Variants in CAPN2 observed in about 807,000 individuals in gnomAD.
The protein encoded by CAPN2 is calpain-2 catalytic subunit.
Under a neutral mutation model 102.3 loss-of-function variants are expected in CAPN2, and 92 were observed. That is an observed-to-expected ratio of 0.90 (90% CI 0.76 to 1.07). The LOEUF (loss-of-function observed/expected upper bound fraction) is 1.07, where lower values mean the gene tolerates loss of function less well. Ranked by LOEUF, CAPN2 falls within the 50% of genes least tolerant of loss-of-function variation. The pLI is 0.00. For synonymous variants in CAPN2, 340 were observed against 355.4 expected, an observed-to-expected ratio of 0.96 and a Z score of 0.49; for missense variants, 800 against 909.4, an observed-to-expected ratio of 0.88 and a Z score of 1.55.
chr1:223,740,316 A>G lies in CAPN2; in HGVS notation c.308-3784A>G, dbSNP rs1660580789. 3.3e-5 allele frequency among the ~76,000 whole-genome samples: 5 copies of G among 152,208 alleles called. No individual in the cohort carries two copies. In the South Asian group the frequency reaches 1.0e-3, roughly 32 times the overall value. ...TAAATTTAATTTACTCAGCAAGGACATTTTTATACTTTCTGTGAAAGGGTA... is the reference window on the plus strand; with the variant it reads ...TAAATTTAATTTACTCAGCAAGGACGTTTTTATACTTTCTGTGAAAGGGTA... On this transcript the variant is annotated intron_variant, in intron 2 of 20. Coordinates refer to ENST00000295006, the MANE Select transcript of CAPN2 (RefSeq NM_001748.5).
intron 2 of CAPN2, among the ~76,000 whole-genome samples, chr1:223,723,865 C>G (rs540301324): frequency 6.6e-6 from 1 of 151,382 alleles, no homozygotes; most frequent in South Asian, 2.1e-4. Flanking sequence ...CAAGAATCCC[C>G]CATTTCCCAT....
At chr1:223,766,244 A>G in intron 15 of CAPN2, 123 bp from the exon 16 acceptor site, 1 of 709,366 alleles carries the variant, frequency 1.4e-6, no homozygotes, top group South Asian at 1.7e-5. Context: ...TGGCTATTTA[A>G]TATAATGGAA....
At chr1:223,750,793 A>T (rs1571806445) in intron 6 of CAPN2, 97 bp from the exon 7 acceptor site, 1 of 1,123,150 alleles carries the variant, frequency 8.9e-7, no homozygotes, top group African/African-American at 1.5e-5. Context: ...TCAGCCCCAT[A>T]CCTCCTGGCT....
chr1:223,742,498 G>GTGTGTGTA (rs531707362), intron 2 of CAPN2, among the ~76,000 whole-genome samples: 1 of 127,276 alleles, frequency 7.9e-6, no homozygotes, highest in Non-Finnish European at 1.6e-5. Context: ...ATATATGTGT[G>GTGTGTGTA]TATATATATA....
chr1:223,708,556 G>A (rs990207209), upstream of CAPN2, among the ~76,000 whole-genome samples: 7 of 152,094 alleles, frequency 4.6e-5, no homozygotes, highest in Admixed American at 1.3e-4. Context: ...ATCACCTGAG[G>A]TCAGGAGTTC....
chr1:223,748,936 A>G, intron 5 of CAPN2, 103 bp from the exon 6 acceptor site: 2 of 1,032,558 alleles, frequency 1.9e-6, no homozygotes, highest in South Asian at 2.7e-5. Context: ...CCGCTGCGCT[A>G]GTGCGTCCGG....
At chr1:223,746,930 G>A in intron 4 of CAPN2, 67 bp from the exon 5 acceptor site, 1 of 1,405,736 alleles carries the variant, frequency 7.1e-7, no homozygotes, top group South Asian at 1.3e-5. Context: ...ACTAGGGGGT[G>A]GCTGTTTGAG....
chr1:223,712,567 G>A lies in CAPN2; in HGVS notation c.-74G>A, dbSNP rs992115901. On this transcript the variant is annotated 5_prime_UTR_variant, in exon 1 of 21. Coordinates refer to ENST00000295006, the MANE Select transcript of CAPN2 (RefSeq NM_001748.5). ...GGCCGCAGCAGCGCGCCGGGCCCTGGCCGCGCCCCAGCCGAGCGCAGCGCG... is the reference window on the plus strand; with the variant it reads ...GGCCGCAGCAGCGCGCCGGGCCCTGACCGCGCCCCAGCCGAGCGCAGCGCG... 33 of 1,352,510 alleles carry A rather than the reference G, an allele frequency of 2.4e-5. 1 individual carries two copies. Among genetic ancestry groups the A allele is most frequent in the Admixed American group, 4.0e-5 (1 of 24,958 alleles). 83.8% of individuals were successfully genotyped at this position (1,352,510 alleles called of 1,614,324 possible). A position where few individuals can be genotyped will look rare whatever the true frequency, so the allele number is the denominator to read the frequency against.
At chr1:223,749,393 C>T in intron 6 of CAPN2, 1 of 560,668 alleles carries the variant, frequency 1.8e-6, no homozygotes, top group South Asian at 2.3e-5. Context: ...TTTACAGTTA[C>T]AACCTTACTA....
chr1:223,717,980 G>A lies in CAPN2; in HGVS notation c.307+149G>A, dbSNP rs374882150. The A allele has an allele frequency of 1.0e-5, 7 of 673,164 alleles. No homozygotes were observed. In the East Asian group the frequency reaches 1.6e-4, roughly 16 times the overall value. The allele number at this position is 673,164 out of a possible 1,614,324, so 41.7% of individuals were successfully genotyped here. A position where few individuals can be genotyped will look rare whatever the true frequency, so the allele number is the denominator to read the frequency against. ...AGCTCCATGGAATTTCTTGGCCCTA[G>A]CGGGCAATGATTCTACCCTCAGCCC... On this transcript the variant is annotated intron_variant, in intron 2 of 20. Transcript: ENST00000295006.
rs1026270859 is a variant in CAPN2, at chr1:223,725,559, G to C, written c.307+7728G>C. On this transcript the variant is annotated intron_variant, in intron 2 of 20. Coordinates refer to ENST00000295006, the MANE Select transcript of CAPN2 (RefSeq NM_001748.5). This position sits in a 1 kb window ranked among gnomAD's most constrained non-coding sequence, Gnocchi z 4.1. ...GAGTACTGTCAAATGAGGTCGCGTC[G>C]CTGAGGTGGAGACACATTGTGGCAC... 6.6e-6 allele frequency among the ~76,000 whole-genome samples: 1 copy of C among 152,164 alleles called. No individual in the cohort carries two copies. Among genetic ancestry groups the C allele is most frequent in the Non-Finnish European group, 1.5e-5 (1 of 68,026 alleles).
chr1:223,752,507 A>G (rs1660928931), intron 8 of CAPN2, among the ~76,000 whole-genome samples: 1 of 152,210 alleles, frequency 6.6e-6, no homozygotes, highest in African/African-American at 2.4e-5. Context: ...TCTTTATCAA[A>G]TGGGGCCCAT....
intron 1 of CAPN2, among the ~76,000 whole-genome samples, chr1:223,706,896 A>G (rs1659617139): frequency 6.6e-6 from 1 of 152,066 alleles, no homozygotes; most frequent in East Asian, 1.9e-4. Flanking sequence ...CCTGGACAAC[A>G]TGGCGAAACC....
intron 17 of CAPN2, 160 bp from the exon 18 acceptor site, chr1:223,770,287 T>C: frequency 1.6e-6 from 1 of 615,768 alleles, no homozygotes; most frequent in East Asian, 2.8e-5. Context: ...AGAAGCAAAA[T>C]ACTATTAGTT....
intron 20 of CAPN2, 43 bp downstream of exon 20, chr1:223,772,282 G>C (rs1234634731): frequency 2.6e-6 from 4 of 1,555,024 alleles, no homozygotes; most frequent in Admixed American, 1.7e-5. Context: ...GGATGGGGGA[G>C]GCATGGGGCG....
Position 223,757,398 on chromosome 1 carries a change from C to T in CAPN2, c.1317+18C>T, listed in dbSNP as rs755875141. ...CAGAGGAGGTACGTCTGGCCCATGT[C>T]CCGGGGTGCTCAGGTCACCAAAAAA... On this transcript the variant is annotated intron_variant, in intron 11 of 20. Coordinates refer to ENST00000295006, the MANE Select transcript of CAPN2 (RefSeq NM_001748.5). The T allele has an allele frequency of 6.2e-7, 1 of 1,614,058 alleles. No individual in the cohort carries two copies. The highest frequency in any genetic ancestry group is 1.1e-5 in the South Asian group (1 of 91,060).
intron 2 of CAPN2, among the ~76,000 whole-genome samples, chr1:223,735,696 C>A (rs935096751): frequency 6.6e-6 from 1 of 152,134 alleles, no homozygotes; most frequent in Non-Finnish European, 1.5e-5. Flanking sequence ...CTCCGTGGAG[C>A]CATTTGGCCT....
chr1:223,751,227 C>A (rs985292340), intron 7 of CAPN2, among the ~76,000 whole-genome samples: 1 of 152,148 alleles, frequency 6.6e-6, no homozygotes, highest in African/African-American at 2.4e-5. Flanking sequence ...GCCACTGCCT[C>A]CAGGTTCACC....
intron 12 of CAPN2, 83 bp from the exon 13 acceptor site, chr1:223,761,498 C>T: frequency 8.7e-7 from 1 of 1,148,890 alleles, no homozygotes; most frequent in South Asian, 1.3e-5. Context: ...GGATTTAGCA[C>T]TGCACTTCCA....
Sources: allele counts gnomAD v4.1 joint callset (sites outside exome capture counted in the v4.1 genomes callset), GRCh38; gene constraint gnomAD v4.1.1; non-coding constraint Gnocchi (gnomAD v3.1); transcripts MANE v1.5; gene names NCBI Gene and HGNC (gene_info 2026-07-23, HGNC 2026-07-21).